Variants in CNBD1 observed in about 807,000 individuals in gnomAD.
CNBD1 encodes cyclic nucleotide binding domain containing 1.
Under a neutral mutation model 54.4 loss-of-function variants are expected in CNBD1, and 71 were observed. The ratio of observed to expected loss-of-function variants is 1.30; its 90% CI spans 1.08 to 1.59. CNBD1 has a LOEUF of 1.59. Among genes scored for constraint, CNBD1 ranks in the 40% most tolerant of loss-of-function variants. The pLI is 0.00. For synonymous variants in CNBD1, 182 were observed against 170.7 expected, an observed-to-expected ratio of 1.07 and a Z score of -0.51; for missense variants, 659 against 518.0, an observed-to-expected ratio of 1.27 and a Z score of -2.64.
At chr8:86,956,403 T>A (rs1324082099) in intron 4 of CNBD1, among the ~76,000 whole-genome samples, 1 of 152,174 alleles carries the variant, frequency 6.6e-6, no homozygotes, top group African/African-American at 2.4e-5. Context: ...TGGCATTGAA[T>A]CTATAAATTA....
At chr8:87,372,217 A>G (rs913272474) in intron 10 of CNBD1, among the ~76,000 whole-genome samples, 3 of 152,094 alleles carry the variant, frequency 2.0e-5, no homozygotes, top group South Asian at 4.1e-4. Flanking sequence ...GAGCCAAATC[A>G]TGAGTGAACT....
In CNBD1 at chr8:87,353,787, G is replaced by A. The variant is rs1810358670; in HGVS notation, c.1303+1G>A. ...ATCATTGAAGATAAGGACCTATTTG[G>A]TAAATGCATAAATATCTTTTAACTG... On this transcript the variant is annotated splice_donor_variant, in intron 10 of 10. Transcript: ENST00000518476. LOFTEE classifies it high-confidence loss of function. The A allele has an allele frequency of 3.1e-6, 5 of 1,593,694 alleles. No individual in the cohort carries two copies. Among genetic ancestry groups the A allele is most frequent in the African/African-American group, 1.4e-5 (1 of 74,040 alleles).
chr8:87,178,733 T>A (rs569972121), intron 4 of CNBD1, among the ~76,000 whole-genome samples: 1 of 152,160 alleles, frequency 6.6e-6, no homozygotes, highest in Non-Finnish European at 1.5e-5. Flanking sequence ...AGTAGCAGGA[T>A]GAAAAGTGGT....
chr8:86,871,671 G>A (rs919819985), intron 1 of CNBD1, among the ~76,000 whole-genome samples: 1 of 152,184 alleles, frequency 6.6e-6, no homozygotes, highest in Admixed American at 6.5e-5. Flanking sequence ...GGTACAGGAA[G>A]ATTTCAAAGG....
chr8:86,904,200 T>G (rs6468533), intron 2 of CNBD1, among the ~76,000 whole-genome samples: 1 of 151,992 alleles, frequency 6.6e-6, no homozygotes, highest in African/African-American at 2.4e-5. Flanking sequence ...GAGGATTTTG[T>G]TGTTCATTGT....
intron 6 of CNBD1, among the ~76,000 whole-genome samples, chr8:87,253,057 G>A (rs1807941536): frequency 6.6e-6 from 1 of 152,152 alleles, no homozygotes. Context: ...AGAGAGAAAG[G>A]AGAGAAGAGA....
At chr8:87,164,505 C>T (rs780275675) in intron 4 of CNBD1, among the ~76,000 whole-genome samples, 1 of 151,594 alleles carries the variant, frequency 6.6e-6, no homozygotes, top group Non-Finnish European at 1.5e-5. Flanking sequence ...TTCTATTTCT[C>T]CATGAATCAG....
rs563277465 is a variant in CNBD1 at position 87,321,470 on chromosome 8, A to G, written c.1043-30215A>G. Among the ~76,000 whole-genome samples, 10 of 152,138 alleles carry G rather than the reference A, an allele frequency of 6.6e-5. No homozygotes were observed. In the South Asian group the frequency reaches 1.9e-3, roughly 28 times the overall value. ...AGTGATACTGAACATCTTTTCTTAT[A>G]CCTGTTCTACATTTGGATGTCTTTG... On this transcript the variant is annotated intron_variant, in intron 8 of 10. Coordinates refer to ENST00000518476, the MANE Select transcript of CNBD1 (RefSeq NM_173538.3).
At chr8:87,390,367 T>A (rs1021860729) in intron 2 of CNBD1, among the ~76,000 whole-genome samples, 1 of 152,070 alleles carries the variant, frequency 6.6e-6, no homozygotes, top group Non-Finnish European at 1.5e-5. Flanking sequence ...AGGGCTAATA[T>A]CCAGAATCTA....
chr8:87,270,231 A>C (rs1055073315), intron 6 of CNBD1, among the ~76,000 whole-genome samples: 2 of 152,002 alleles, frequency 1.3e-5, no homozygotes, highest in Non-Finnish European at 2.9e-5. Flanking sequence ...AAAAACCTTC[A>C]AGAAGCATTT....
downstream of CNBD1, among the ~76,000 whole-genome samples, chr8:87,386,945 C>T (rs1240662247): frequency 6.6e-6 from 1 of 152,038 alleles, no homozygotes. Context: ...AGAGTGGGGG[C>T]CAAAATTCAA....
chr8:87,230,028 C>T (rs1159042197), intron 5 of CNBD1, among the ~76,000 whole-genome samples: 2 of 151,836 alleles, frequency 1.3e-5, no homozygotes, highest in African/African-American at 4.9e-5. Context: ...CTGGCATCTG[C>T]TTAACTTCTG....
At chr8:87,049,252 C>T (rs1424721390) in intron 4 of CNBD1, among the ~76,000 whole-genome samples, 2 of 152,160 alleles carry the variant, frequency 1.3e-5, no homozygotes, top group Non-Finnish European at 2.9e-5. Flanking sequence ...CCACTTCCTA[C>T]AGAAGGAAAA....
chr8:87,312,384 A>T (rs965534720), intron 8 of CNBD1, among the ~76,000 whole-genome samples: 2 of 151,930 alleles, frequency 1.3e-5, no homozygotes, highest in Non-Finnish European at 2.9e-5. Context: ...GAATATTGCC[A>T]CTCTTGAATT....
At position 86,917,815 on chromosome 8, in the gene CNBD1, G is replaced by C. The variant is rs550616551; in HGVS notation, c.272+12621G>C. ...CTCCCCCAACACACACCCAAACCAAGTCCAGAAAAAGATATGAAATTTACA... is the reference window on the plus strand; with the variant it reads ...CTCCCCCAACACACACCCAAACCAACTCCAGAAAAAGATATGAAATTTACA... On this transcript the variant is annotated intron_variant, in intron 3 of 10. Coordinates refer to ENST00000518476, the MANE Select transcript of CNBD1 (RefSeq NM_173538.3). Among the ~76,000 whole-genome samples the C allele has an allele frequency of 3.3e-5, 5 of 152,030 alleles. No homozygotes were observed. The East Asian group carries it at 9.7e-4, about 29-fold the overall frequency.
chr8:86,993,699 G>A (rs1563851041), intron 4 of CNBD1, among the ~76,000 whole-genome samples: 1 of 152,158 alleles, frequency 6.6e-6, no homozygotes, highest in Non-Finnish European at 1.5e-5. Flanking sequence ...CTAGCCTTTG[G>A]TATCACAGGG....
intron 4 of CNBD1, among the ~76,000 whole-genome samples, chr8:87,011,166 T>C (rs991209143): frequency 1.3e-5 from 2 of 149,980 alleles, no homozygotes; most frequent in African/African-American, 2.4e-5. Context: ...AAAATGGATG[T>C]TTATTAGAGT....
chr8:87,293,514 G>T (rs1308370073), intron 8 of CNBD1, among the ~76,000 whole-genome samples: 2 of 152,166 alleles, frequency 1.3e-5, no homozygotes, highest in Non-Finnish European at 2.9e-5. Flanking sequence ...CTGCACTCCA[G>T]CCTGGGTGAC....
At chr8:86,970,538 A>T (rs1338032955) in intron 4 of CNBD1, among the ~76,000 whole-genome samples, 3 of 151,430 alleles carry the variant, frequency 2.0e-5, no homozygotes, top group Non-Finnish European at 4.4e-5. Flanking sequence ...AGTTTCAGGT[A>T]TGAATGATCT....
Sources: gnomAD v4.1 joint callset for allele counts (sites outside exome capture counted in the v4.1 genomes callset) on GRCh38, gnomAD v4.1.1 for gene constraint, MANE v1.5 for transcripts, NCBI Gene and HGNC (gene_info 2026-07-23, HGNC 2026-07-21) for gene names.